DLGAP2: variants seen among roughly 807,000 people sequenced by gnomAD.
The protein encoded by DLGAP2 is DLG associated protein 2, also known as disks large-associated protein 2.
A neutral mutation model predicts 100.3 loss-of-function variants in DLGAP2; 26 were observed. That is an observed-to-expected ratio of 0.26 (90% CI 0.19 to 0.36). DLGAP2 has a LOEUF of 0.36. Among genes scored for constraint, DLGAP2 ranks in the 10% least tolerant of loss-of-function variants. The probability of loss-of-function intolerance (pLI) is 1.00; values close to 1 mark genes in which losing one functional copy is unlikely to be tolerated. For synonymous variants in DLGAP2, 886 were observed against 630.1 expected, an observed-to-expected ratio of 1.41 and a Z score of -6.08; for missense variants, 1,858 against 1,453.2, an observed-to-expected ratio of 1.28 and a Z score of -4.53.
chr8:1,094,567 G>A (rs997171449), intron 2 of DLGAP2, among the ~76,000 whole-genome samples: 1 of 152,222 alleles, frequency 6.6e-6, no homozygotes, highest in African/African-American at 2.4e-5. Flanking sequence ...CTTCCAACAT[G>A]TCTTGTTTCT....
intron 3 of DLGAP2, among the ~76,000 whole-genome samples, chr8:1,266,006 A>G (rs139100886): frequency 1.3e-5 from 2 of 152,232 alleles, no homozygotes; most frequent in African/African-American, 2.4e-5. Flanking sequence ...GATTCAAGAT[A>G]TGCAAAGAAA....
chr8:1,555,997 T>C (rs926574253), intron 5 of DLGAP2, among the ~76,000 whole-genome samples: 11 of 152,216 alleles, frequency 7.2e-5, no homozygotes, highest in African/African-American at 2.7e-4. Context: ...GTGCATGCGC[T>C]GTTTTATCCA....
chr8:1,173,706 G>C (rs926305670), intron 2 of DLGAP2, among the ~76,000 whole-genome samples: 5 of 152,182 alleles, frequency 3.3e-5, no homozygotes. Context: ...ATAATCTCCT[G>C]GTGCGCCATT....
chr8:1,531,235 C>CGTGTGTGTGTGT lies in DLGAP2; in HGVS notation c.173-17386_173-17385insTGTGTGTGTGTG, dbSNP rs529630124. Among the ~76,000 whole-genome samples the CGTGTGTGTGTGT allele has an allele frequency of 3.2e-3, 452 of 140,220 alleles. 8 individuals carry two copies. The highest frequency in any genetic ancestry group is 0.012 in the African/African-American group (412 of 35,742). 92.0% of individuals were successfully genotyped at this position (140,220 alleles called of 152,430 possible). A position where few individuals can be genotyped will look rare whatever the true frequency, so the allele number is the denominator to read the frequency against. On this transcript the variant is annotated intron_variant, in intron 4 of 14. Coordinates refer to ENST00000637795, the MANE Select transcript of DLGAP2 (RefSeq NM_001346810.2). ...TAAATAGTAAGATATTATTAGAGAGCGTGTGCGTGTGTGTGTGTGTGTGTG... is the reference window on the plus strand; with the variant it reads ...TAAATAGTAAGATATTATTAGAGAGCGTGTGTGTGTGTGTGTGCGTGTGTGTGTGTGTGTGTG...
intron 8 of DLGAP2, among the ~76,000 whole-genome samples, chr8:1,658,000 C>T (rs573537461): frequency 4.6e-5 from 7 of 152,052 alleles, no homozygotes; most frequent in Non-Finnish European, 1.0e-4. Flanking sequence ...GAAAGTCTCC[C>T]GTTTGCAGCA....
chr8:1,222,891 C>T (rs966211411), intron 2 of DLGAP2, among the ~76,000 whole-genome samples: 4 of 152,088 alleles, frequency 2.6e-5, no homozygotes, highest in Admixed American at 6.6e-5. Flanking sequence ...TCCCAGGAGC[C>T]GGCCAGCCGT....
intron 1 of DLGAP2, among the ~76,000 whole-genome samples, chr8:809,449 C>G (rs1489207863): frequency 7.6e-6 from 1 of 132,088 alleles, no homozygotes; most frequent in Admixed American, 8.9e-5. Context: ...AGTACTCTGT[C>G]TCTGGCAGGT....
chr8:973,446 G>T lies in DLGAP2; in HGVS notation c.73+65480G>T, dbSNP rs377451958. On this transcript the variant is annotated intron_variant, in intron 2 of 14. Transcript: ENST00000637795. ...TCACCTCCCAGACGGGGTCACGGCC[G>T]GGCAGAGGCGCTCCTCACATCCCAG... Among the ~76,000 whole-genome samples, 33 of 151,914 alleles carry T rather than the reference G, an allele frequency of 2.2e-4. No homozygotes were observed. In the East Asian group the frequency reaches 4.9e-3, roughly 22 times the overall value.
intron 12 of DLGAP2, among the ~76,000 whole-genome samples, chr8:1,683,577 A>G (rs1445895311): frequency 6.7e-6 from 1 of 150,026 alleles, no homozygotes; most frequent in Non-Finnish European, 1.5e-5. Context: ...TTTATCATCC[A>G]CAGACAGTGC....
intron 2 of DLGAP2, among the ~76,000 whole-genome samples, chr8:1,157,132 T>C (rs1198183520): frequency 6.6e-6 from 1 of 152,162 alleles, no homozygotes. Flanking sequence ...TTTCCTGGGC[T>C]TGTGGATTTA....
chr8:1,437,813 C>CAAAA (rs59165125), intron 3 of DLGAP2, among the ~76,000 whole-genome samples: 6,681 of 85,070 alleles, frequency 0.079, 347 homozygotes, highest in South Asian at 0.17. Flanking sequence ...ACTAAAAATA[C>CAAAA]AAAAAAAAAA....
chr8:1,638,786 G>C (rs1424034830), intron 8 of DLGAP2, among the ~76,000 whole-genome samples: 1 of 152,174 alleles, frequency 6.6e-6, no homozygotes, highest in Non-Finnish European at 1.5e-5. Context: ...TGGGTCTCCC[G>C]GGGAGTCCAG....
intron 1 of DLGAP2, among the ~76,000 whole-genome samples, chr8:854,915 T>G (rs1317113960): frequency 6.6e-6 from 1 of 152,196 alleles, no homozygotes; most frequent in Non-Finnish European, 1.5e-5. Context: ...CATGCCCGGA[T>G]TTTCTTTGTG....
At chr8:1,127,130 C>G (rs1254368050) in intron 2 of DLGAP2, among the ~76,000 whole-genome samples, 10 of 150,304 alleles carry the variant, frequency 6.7e-5, no homozygotes, top group Non-Finnish European at 1.5e-4. Context: ...TGCTTGTGTT[C>G]CTGGAGCTCA....
At chr8:1,422,644 G>A (rs1797127947) in intron 3 of DLGAP2, among the ~76,000 whole-genome samples, 2 of 152,026 alleles carry the variant, frequency 1.3e-5, no homozygotes, top group African/African-American at 4.8e-5. Context: ...AGCAAAGGCT[G>A]GAGGGCACGG....
intron 2 of DLGAP2, among the ~76,000 whole-genome samples, chr8:1,134,876 C>G (rs113651427): frequency 7.7e-4 from 117 of 152,242 alleles, no homozygotes; most frequent in African/African-American, 2.7e-3. Flanking sequence ...GGGAGACCTC[C>G]CTCCGTGATC....
chr8:1,190,110 T>G (rs1204412258), intron 2 of DLGAP2, among the ~76,000 whole-genome samples: 1 of 152,212 alleles, frequency 6.6e-6, no homozygotes, highest in Non-Finnish European at 1.5e-5. Context: ...CTCTTACTGC[T>G]AATAATAAAC....
chr8:1,026,193 C>T (rs923506280), intron 2 of DLGAP2, among the ~76,000 whole-genome samples: 23 of 152,156 alleles, frequency 1.5e-4, no homozygotes, highest in African/African-American at 5.5e-4. Flanking sequence ...TCATCCAGGA[C>T]GTGCCTCACG....
intron 2 of DLGAP2, among the ~76,000 whole-genome samples, chr8:1,117,086 A>G (rs1805141251): frequency 6.6e-6 from 1 of 152,190 alleles, no homozygotes; most frequent in East Asian, 1.9e-4. Context: ...AATTTGCTAC[A>G]GCAATTTCAT....
Sources: gnomAD v4.1 joint callset for allele counts (sites outside exome capture counted in the v4.1 genomes callset) on GRCh38, gnomAD v4.1.1 for gene constraint, MANE v1.5 for transcripts, NCBI Gene and HGNC (gene_info 2026-07-23, HGNC 2026-07-21) for gene names.